ING5: variants seen among roughly 807,000 people sequenced by gnomAD.
The protein encoded by ING5 is inhibitor of growth protein 5.
In ING5, 17 loss-of-function variants were observed where a neutral mutation model predicts 37.4. That is an observed-to-expected ratio of 0.45 (90% CI 0.31 to 0.68). ING5 has a LOEUF of 0.68. Among genes scored for constraint, ING5 ranks in the 30% least tolerant of loss-of-function variants. The pLI, the probability that ING5 is intolerant of heterozygous loss-of-function variation, is 0.05. For missense variants in ING5, 233 were observed against 311.9 expected, an observed-to-expected ratio of 0.75 and a Z score of 1.91; for synonymous variants, 123 against 116.6, an observed-to-expected ratio of 1.06 and a Z score of -0.36.
At chr2:241,721,409 T>C (rs1253352710) in intron 5 of ING5, 1 of 985,518 alleles carries the variant, frequency 1.0e-6, no homozygotes, top group Non-Finnish European at 1.2e-6. Flanking sequence ...AAGAGCAGAT[T>C]ACCTGCAAAG....
At chr2:241,720,266 A>G (rs2070397345) in intron 5 of ING5, 10 of 1,230,160 alleles carry the variant, frequency 8.1e-6, no homozygotes, top group Non-Finnish European at 1.0e-5. Context: ...CTGACCCATC[A>G]GCACAGTGGG....
upstream of ING5, among the ~76,000 whole-genome samples, chr2:241,698,314 G>A (rs933380625): frequency 2.3e-4 from 35 of 152,000 alleles, no homozygotes; most frequent in African/African-American, 8.0e-4. Flanking sequence ...GCATGGTGGC[G>A]GGCACCTGTA....
chr2:241,707,109 A>G (rs6414220), intron 2 of ING5, among the ~76,000 whole-genome samples: 95,106 of 149,376 alleles, frequency 0.64, 30,062 homozygotes, highest in Admixed American at 0.71. Flanking sequence ...ACAGGCATGC[A>G]CCATCATGCC....
intron 5 of ING5, among the ~76,000 whole-genome samples, chr2:241,712,945 G>A (rs1438801141): frequency 6.0e-5 from 9 of 149,892 alleles, no homozygotes; most frequent in Non-Finnish European, 1.2e-4. Context: ...GGAGGATCAT[G>A]AGCCACGATC....
chr2:241,709,154 A>G (rs995532275), intron 2 of ING5, 62 bp from the exon 3 acceptor site: 1 of 1,522,788 alleles, frequency 6.6e-7, no homozygotes, highest in Non-Finnish European at 8.9e-7. Context: ...AGTTGTTGCC[A>G]GTCTGGTGAG....
intron 2 of ING5, among the ~76,000 whole-genome samples, chr2:241,693,537 C>G (rs137876014): frequency 2.4e-3 from 360 of 151,988 alleles, no homozygotes; most frequent in African/African-American, 8.1e-3. Context: ...CAGACGATGG[C>G]AAGGCCCTTT....
At chr2:241,687,594 C>T (rs1045691576) in exon 1 of ING5, 14 of 353,708 alleles carry the variant, frequency 4.0e-5, no homozygotes, top group Non-Finnish European at 6.6e-5. Flanking sequence ...GTGGCGCGAT[C>T]TCTGCTCACT....
chr2:241,693,277 A>G (rs2069583709), intron 2 of ING5, among the ~76,000 whole-genome samples: 1 of 150,296 alleles, frequency 6.7e-6, no homozygotes, highest in Admixed American at 6.7e-5. Context: ...AAAAAAGCAA[A>G]GCTCCTTAAG....
In ING5 at chr2:241,729,247, G is replaced by C. The variant is rs1364323582; in HGVS notation, c.*4216G>C. ...TTGGAGTTTCTTTCTTCCTCTGTAT[G>C]TATTTTGTGGTGTCCACCTTTAACC... is the stretch of plus-strand genomic sequence containing the variant. On this transcript the variant is annotated 3_prime_UTR_variant, in exon 8 of 8. Transcript: ENST00000313552. 1 of 152,560 alleles carries C rather than the reference G, an allele frequency of 6.6e-6. No homozygotes were observed. Among genetic ancestry groups the C allele is most frequent in the Non-Finnish European group, 1.5e-5 (1 of 68,006 alleles). The allele number at this position is 152,560 out of a possible 1,614,324, so 9.5% of individuals were successfully genotyped here.
At chr2:241,691,576 G>A (rs2069556438) in intron 2 of ING5, among the ~76,000 whole-genome samples, 1 of 152,154 alleles carries the variant, frequency 6.6e-6, no homozygotes, top group Non-Finnish European at 1.5e-5. Flanking sequence ...TGTCACGACA[G>A]ACTACCTTAG....
rs575151635 is a variant in ING5 at position 241,725,916 on chromosome 2, T to C, written c.*885T>C. ...TGCTGTGCATTCCCAGGCCCGCAGC[T>C]CCCGGTCGAGGGGACTCCGATGTGA... is the stretch of plus-strand genomic sequence containing the variant. On this transcript the variant is annotated 3_prime_UTR_variant, in exon 8 of 8. Coordinates refer to ENST00000313552, the MANE Select transcript of ING5 (RefSeq NM_032329.6). 1 of 152,734 alleles carries C rather than the reference T, an allele frequency of 6.5e-6. No individual in the cohort carries two copies. Among genetic ancestry groups the C allele is most frequent in the Admixed American group, 6.5e-5 (1 of 15,302 alleles). 9.5% of individuals were successfully genotyped at this position (152,734 alleles called of 1,614,324 possible).
Position 241,723,236 on chromosome 2 carries a change from C to T in ING5, c.645C>T (p.Ala215=). The T allele has an allele frequency of 6.2e-7, 1 of 1,614,252 alleles. No individual in the cohort carries two copies. Among genetic ancestry groups the T allele is most frequent in the Non-Finnish European group, 8.5e-7 (1 of 1,180,046 alleles). ...PDCPIEWFHF[A]CVDLTTKPKG... ...GTCCAATTGAGTGGTTTCACTTTGCCTGCGTGGACCTTACCACGAAACCCA... is the reference window on the plus strand; with the variant it reads ...GTCCAATTGAGTGGTTTCACTTTGCTTGCGTGGACCTTACCACGAAACCCA... Residue 215 remains alanine, a synonymous_variant, in exon 7 of 8, where the codon GCC becomes GCT. Transcript: ENST00000313552.
At chr2:241,701,152 C>A (rs956797075), upstream of ING5, among the ~76,000 whole-genome samples, 12 of 145,208 alleles carry the variant, frequency 8.3e-5, no homozygotes, top group African/African-American at 2.8e-4. Context: ...TTAGTAGAGT[C>A]GGGGTTTCAA....
chr2:241,695,167 C>G (rs1420366680), intron 2 of ING5, among the ~76,000 whole-genome samples: 1 of 151,674 alleles, frequency 6.6e-6, no homozygotes, highest in African/African-American at 2.4e-5. Flanking sequence ...TTAGGGCTAC[C>G]AAAGTGAGGT....
chr2:241,719,705 G>A lies in ING5; in HGVS notation c.483-3234G>A, dbSNP rs947958984. 5 of 1,508,954 alleles carry A rather than the reference G, an allele frequency of 3.3e-6. No homozygotes were observed. The African/African-American group carries it at 5.5e-5, about 17-fold the overall frequency. 93.5% of individuals were successfully genotyped at this position (1,508,954 alleles called of 1,614,324 possible). ...GTTGGGGTCGGGGCTTCCTCCCTGA[G>A]GGCTCTGCCCAGCTTCAGAGACCTC... is the stretch of plus-strand genomic sequence containing the variant. On this transcript the variant is annotated intron_variant, in intron 5 of 7. Transcript: ENST00000313552.
At chr2:241,690,778 G>C (rs929541155) in intron 2 of ING5, 5 of 395,212 alleles carry the variant, frequency 1.3e-5, no homozygotes, top group Non-Finnish European at 2.2e-5. Context: ...ACATGGGTTC[G>C]TGGGTTCATT....
Position 241,702,082 on chromosome 2 carries a change from A to T in ING5, c.17A>T (p.Tyr6Phe). Residue 6 changes from tyrosine (Y) to phenylalanine (F), a missense_variant, in exon 1 of 8, where the codon TAC becomes TTC. This residue lies in a region of ING5 where 93 missense variants were observed against 99.7 expected (regional missense o/e 0.93). Coordinates refer to ENST00000313552, the MANE Select transcript of ING5 (RefSeq NM_032329.6). Reference sequence around the variant, plus strand: ...CGGACGAAGATGGCGACCGCCATGTACTTGGAGCACTATCTGGACAGTAAG... The same window carrying T: ...CGGACGAAGATGGCGACCGCCATGTTCTTGGAGCACTATCTGGACAGTAAG... MATAM[Y>F]LEHYLDSIEN... 2.2e-6 allele frequency: 3 copies of T among 1,389,330 alleles called. No individual in the cohort carries two copies. The highest frequency in any genetic ancestry group is 1.9e-6 in the Non-Finnish European group (2 of 1,065,434). The allele number at this position is 1,389,330 out of a possible 1,614,324, so 86.1% of individuals were successfully genotyped here.
intron 2 of ING5, among the ~76,000 whole-genome samples, chr2:241,705,925 G>T (rs1206493388): frequency 6.6e-6 from 1 of 151,954 alleles, no homozygotes; most frequent in African/African-American, 2.4e-5. Flanking sequence ...GGGCAGCTGT[G>T]TAGGTACTTT....
chr2:241,692,593 C>T lies in ING5; in HGVS notation c.43+1940C>T, dbSNP rs111256844. Among the ~76,000 whole-genome samples, 619 of 152,184 alleles carry T rather than the reference C, an allele frequency of 4.1e-3. 5 individuals are homozygous for T. Among genetic ancestry groups the T allele is most frequent in the African/African-American group, 0.014 (574 of 41,500 alleles). On this transcript the variant is annotated intron_variant, in intron 2 of 7. Coordinates refer to the ING5 transcript ENST00000636051. ...CTGGGATTGCAGGCATGAGCCACCA[C>T]GCCCAGCCTGAGATTCTTTCAGGCC...
Sources: gnomAD v4.1 joint callset for allele counts (sites outside exome capture counted in the v4.1 genomes callset) on GRCh38, gnomAD v4.1.1 for gene constraint, gnomAD v4.1.1 regional missense constraint, MANE v1.5 for transcripts, NCBI Gene and HGNC (gene_info 2026-07-23, HGNC 2026-07-21) for gene names.